RIMS1: variants seen among roughly 807,000 people sequenced by gnomAD.
The protein encoded by RIMS1 is regulating synaptic membrane exocytosis 1.
A neutral mutation model predicts 214.1 loss-of-function variants in RIMS1; 83 were observed. That is an observed-to-expected ratio of 0.39 (90% CI 0.32 to 0.47). The LOEUF (loss-of-function observed/expected upper bound fraction) is 0.47. Among genes scored for constraint, RIMS1 ranks in the 20% least tolerant of loss-of-function variants. The probability of loss-of-function intolerance (pLI) is 0.99; values close to 1 mark genes in which losing one functional copy is unlikely to be tolerated. For synonymous variants in RIMS1, 793 were observed against 786.8 expected (o/e 1.01, Z -0.13); for missense variants, 2,050 against 2,161.8 (o/e 0.95, Z 1.03).
chr6:72,016,788 G>A (rs1812904053), intron 2 of RIMS1, among the ~76,000 whole-genome samples: 3 of 152,104 alleles, frequency 2.0e-5, no homozygotes, highest in Non-Finnish European at 4.4e-5. Flanking sequence ...GTACATTTAT[G>A]TGAACACAAA....
intron 1 of RIMS1, among the ~76,000 whole-genome samples, chr6:71,957,205 G>A (rs917008076): frequency 6.6e-5 from 10 of 152,070 alleles, no homozygotes; most frequent in Non-Finnish European, 1.2e-4. Flanking sequence ...GATAGTTGAT[G>A]GACTGGTGAA....
Position 72,400,661 on chromosome 6 carries a change from G to C in RIMS1, c.5026G>C (p.Ala1676Pro). The C allele has an allele frequency of 6.2e-7, 1 of 1,613,792 alleles. No homozygotes were observed. Among genetic ancestry groups the C allele is most frequent in the Non-Finnish European group, 8.5e-7 (1 of 1,179,832 alleles). The change falls in exon 34 of 34, where the codon GCT becomes CCT. Residue 1676 changes from alanine (A) to proline (P), a missense_variant. Ala to Pro is a conservative substitution (Grantham distance 27). Coordinates refer to ENST00000521978, the MANE Select transcript of RIMS1 (RefSeq NM_014989.7). The part of the protein sequence containing the change: ...DPTLTPLTRR[A>P]SQSSLESSTG... ...CACACTCACTCCCCTCACCCGGCGGGCTTCCCAGTCATCTCTGGAAAGTTC... is the reference window on the plus strand; with the variant it reads ...CACACTCACTCCCCTCACCCGGCGGCCTTCCCAGTCATCTCTGGAAAGTTC...
chr6:72,154,952 G>A (rs569435850), intron 4 of RIMS1, among the ~76,000 whole-genome samples: 1 of 140,396 alleles, frequency 7.1e-6, no homozygotes, highest in African/African-American at 2.5e-5. Flanking sequence ...CAGGAAGAGA[G>A]GCTGTGGGCT....
intron 4 of RIMS1, among the ~76,000 whole-genome samples, chr6:72,129,459 T>A (rs1361966357): frequency 6.6e-6 from 1 of 152,122 alleles, no homozygotes; most frequent in Non-Finnish European, 1.5e-5. Flanking sequence ...TTCCCTAGAT[T>A]TTTTTGCTTA....
At chr6:72,002,377 A>G (rs1805560457) in intron 2 of RIMS1, among the ~76,000 whole-genome samples, 1 of 152,134 alleles carries the variant, frequency 6.6e-6, no homozygotes, top group Non-Finnish European at 1.5e-5. Context: ...TGGCACTATT[A>G]TTGTCAGACT....
intron 6 of RIMS1, among the ~76,000 whole-genome samples, chr6:72,193,126 A>T (rs1329062783): frequency 6.6e-6 from 1 of 152,258 alleles, no homozygotes; most frequent in Non-Finnish European, 1.5e-5. Flanking sequence ...TTACAATAAC[A>T]GCAGATAATG....
At chr6:72,334,226 G>A (rs2096766534) in intron 29 of RIMS1, among the ~76,000 whole-genome samples, 1 of 151,734 alleles carries the variant, frequency 6.6e-6, no homozygotes, top group Admixed American at 6.6e-5. Context: ...TTATAGAAAA[G>A]AAGGTCAGTT....
At chr6:72,257,384 T>C (rs1474701547) in intron 16 of RIMS1, among the ~76,000 whole-genome samples, 1 of 152,136 alleles carries the variant, frequency 6.6e-6, no homozygotes, top group African/African-American at 2.4e-5. Flanking sequence ...TTATAATTTA[T>C]TTTAAATTGC....
chr6:71,970,697 G>C (rs1795645767), intron 2 of RIMS1, among the ~76,000 whole-genome samples: 1 of 152,128 alleles, frequency 6.6e-6, no homozygotes, highest in South Asian at 2.1e-4. Context: ...AGATTCTTTG[G>C]ATCCTGCTTT....
chr6:72,024,074 T>C (rs912845734), intron 2 of RIMS1, among the ~76,000 whole-genome samples: 1 of 152,192 alleles, frequency 6.6e-6, no homozygotes, highest in African/African-American at 2.4e-5. Flanking sequence ...ATGATTTTAA[T>C]GTACTAATTA....
chr6:71,983,190 C>CTGCCTCT (rs1798929514), intron 2 of RIMS1, among the ~76,000 whole-genome samples: 2 of 151,232 alleles, frequency 1.3e-5, no homozygotes, highest in South Asian at 4.2e-4. Context: ...ACATTATGTT[C>CTGCCTCT]TATTTGTGTG....
intron 18 of RIMS1, among the ~76,000 whole-genome samples, 151 bp downstream of exon 18, chr6:72,259,262 G>T (rs997141461): frequency 6.6e-6 from 1 of 152,060 alleles, no homozygotes; most frequent in African/African-American, 2.4e-5. Flanking sequence ...TATTGTAATA[G>T]AAATGTAACT....
rs1366033421 is a variant in RIMS1 at position 72,333,664 on chromosome 6, A to G, written c.4195A>G (p.Thr1399Ala). 1 of 1,597,732 alleles carries G rather than the reference A, an allele frequency of 6.3e-7. No homozygotes were observed. Among genetic ancestry groups the G allele is most frequent in the Non-Finnish European group, 8.5e-7 (1 of 1,171,950 alleles). The change falls in exon 29 of 34, where the codon ACC becomes GCC. Residue 1399 changes from threonine (T) to alanine (A), a missense_variant. Around this residue, in one of 6 missense-constraint regions of RIMS1, gnomAD observed 889 missense variants for 885.5 expected, o/e 1.00. Coordinates refer to ENST00000521978, the MANE Select transcript of RIMS1 (RefSeq NM_014989.7). ...TTCAGGAAGATCCATCATGAAGAGC[A>G]CCAGTGTCAGTGGAGAGATGTACAC... ...GTSGRSIMKS[T>A]SVSGEMYTLE...
intron 22 of RIMS1, among the ~76,000 whole-genome samples, chr6:72,274,121 G>T (rs960802100): frequency 6.6e-6 from 1 of 152,024 alleles, no homozygotes; most frequent in Non-Finnish European, 1.5e-5. Context: ...ACATCTTCCC[G>T]AATAAATTGT....
Position 72,398,674 on chromosome 6 carries a change from T to G in RIMS1, c.4721-281T>G, listed in dbSNP as rs192395508. On this transcript the variant is annotated intron_variant, in intron 32 of 33. Transcript: ENST00000521978. ...GAATATAGTTCTAATCATAAAAAGGTAACAATGAGCTTTAAGATATAAACC... is the reference window on the plus strand; with the variant it reads ...GAATATAGTTCTAATCATAAAAAGGGAACAATGAGCTTTAAGATATAAACC... 3.0e-3 allele frequency among the ~76,000 whole-genome samples: 460 copies of G among 152,242 alleles called. 1 individual carries two copies. The highest frequency in any genetic ancestry group is 9.5e-3 in the African/African-American group (394 of 41,562).
At chr6:72,114,325 C>A (rs1232945001) in intron 4 of RIMS1, among the ~76,000 whole-genome samples, 8 of 151,842 alleles carry the variant, frequency 5.3e-5, no homozygotes, top group African/African-American at 1.9e-4. Flanking sequence ...TTATTACAGG[C>A]AAAATTCTTT....
chr6:72,284,015 A>G, intron 23 of RIMS1, 32 bp from the exon 24 acceptor site: 1 of 1,541,202 alleles, frequency 6.5e-7, no homozygotes, highest in Non-Finnish European at 9.0e-7. Context: ...TTTATTCATC[A>G]TATATTTTGT....
intron 6 of RIMS1, among the ~76,000 whole-genome samples, chr6:72,214,969 G>A (rs761843061): frequency 5.9e-5 from 9 of 152,088 alleles, no homozygotes; most frequent in Non-Finnish European, 1.2e-4. Context: ...TGATCCACCC[G>A]CCTCGGCCTC....
chr6:72,248,230 A>G (rs542307188), intron 12 of RIMS1, 103 bp downstream of exon 12: 16 of 637,266 alleles, frequency 2.5e-5, no homozygotes, highest in African/African-American at 2.4e-4. Context: ...CAATAAATAC[A>G]TAGTCATTTA....
Sources: allele counts gnomAD v4.1 joint callset (sites outside exome capture counted in the v4.1 genomes callset), GRCh38; gene constraint gnomAD v4.1.1; regional missense constraint gnomAD v4.1.1; transcripts MANE v1.5; gene names NCBI Gene and HGNC (gene_info 2026-07-23, HGNC 2026-07-21).